The following RNF149 variants were observed in gnomAD, a reference collection of about 807,000 sequenced individuals.
RNF149 encodes E3 ubiquitin-protein ligase RNF149.
Under a neutral mutation model 39.0 loss-of-function variants are expected in RNF149, and 21 were observed. That is an observed-to-expected ratio of 0.54 (90% CI 0.38 to 0.77). The LOEUF (loss-of-function observed/expected upper bound fraction) is 0.77. Among genes scored for constraint, RNF149 ranks in the 30% least tolerant of loss-of-function variants. The probability of loss-of-function intolerance (pLI) is 0.00; values close to 1 mark genes in which losing one functional copy is unlikely to be tolerated. For synonymous variants in RNF149, 209 were observed against 213.6 expected, an observed-to-expected ratio of 0.98 and a Z score of 0.19; for missense variants, 493 against 534.9, an observed-to-expected ratio of 0.92 and a Z score of 0.77.
chr2:101,305,823 A>G (rs76579188), intron 1 of RNF149, among the ~76,000 whole-genome samples: 2,976 of 152,264 alleles, frequency 0.02, 77 homozygotes, highest in Non-Finnish European at 0.023. Context: ...CTCCTTGAGC[A>G]TCAGTTTCCT....
downstream of RNF149, chr2:101,273,285 C>T (rs776245041): frequency 2.0e-6 from 1 of 493,762 alleles, no homozygotes; most frequent in Non-Finnish European, 4.0e-6. Flanking sequence ...CTTCTCCATG[C>T]CACCCGCGGT....
chr2:101,308,418 G>C lies in RNF149; in HGVS notation c.171C>G (p.Ser57Arg). The change falls in exon 1 of 7, where the codon AGC becomes AGG. Residue 57 changes from serine to arginine, a missense_variant. Ser to Arg is a moderately radical substitution (Grantham distance 110, BLOSUM62 -1). Coordinates refer to ENST00000295317, the MANE Select transcript of RNF149 (RefSeq NM_173647.4). ...CGCCGAAGCGGCCACTCTCCGAGAC[G>C]CTCCACACCGTCAGGTTGGTCTGCG... ...VDPQTNLTVW[S>R]VSESGRFGDS... is the part of the protein sequence containing the mutation. The C allele has an allele frequency of 6.2e-7, 1 of 1,611,466 alleles. No individual in the cohort carries two copies. The highest frequency in any genetic ancestry group is 8.5e-7 in the Non-Finnish European group (1 of 1,179,342).
rs139934245 is a variant in RNF149, at chr2:101,293,707, T to C, written c.780+307A>G. ...GGTCTGTGAAGACTGTATGTCTTTA[T>C]AGTTATCTGGTTCTAACCAGTACCA... On this transcript the variant is annotated intron_variant, in intron 3 of 6. Coordinates refer to ENST00000295317, the MANE Select transcript of RNF149 (RefSeq NM_173647.4). 9.8e-5 allele frequency among the ~76,000 whole-genome samples: 15 copies of C among 152,328 alleles called. No homozygotes were observed. The South Asian group carries it at 2.1e-3, about 21-fold the overall frequency.
At chr2:101,301,531 G>T (rs1254289408) in intron 1 of RNF149, among the ~76,000 whole-genome samples, 3 of 151,884 alleles carry the variant, frequency 2.0e-5, no homozygotes, top group Non-Finnish European at 4.4e-5. Context: ...TGTTGCCCAG[G>T]CTAGTCTCAA....
intron 3 of RNF149, among the ~76,000 whole-genome samples, 189 bp downstream of exon 3, chr2:101,293,825 G>A (rs967345668): frequency 4.6e-5 from 7 of 152,260 alleles, no homozygotes; most frequent in East Asian, 3.9e-4. Context: ...CCAGTGAGGG[G>A]CTCAATTTTA....
At chr2:101,296,918 T>C (rs747965207) in intron 1 of RNF149, among the ~76,000 whole-genome samples, 2 of 151,496 alleles carry the variant, frequency 1.3e-5, no homozygotes, top group Non-Finnish European at 2.9e-5. Flanking sequence ...TTCAAAAGAG[T>C]AAATGGTTGG....
At chr2:101,275,442 T>TA, downstream of RNF149, among the ~76,000 whole-genome samples, 1 of 87,694 alleles carries the variant, frequency 1.1e-5, no homozygotes, top group Admixed American at 1.3e-4. Context: ...TTTTTTTTTT[T>TA]TTTTTTTTTT....
intron 1 of RNF149, among the ~76,000 whole-genome samples, chr2:101,295,757 C>G (rs374421897): frequency 1.4e-4 from 21 of 150,382 alleles, no homozygotes; most frequent in African/African-American, 5.1e-4. Flanking sequence ...ACAAGAAACA[C>G]CAACAACATT....
chr2:101,307,729 C>T, intron 1 of RNF149: 1 of 736,314 alleles, frequency 1.4e-6, no homozygotes, highest in Non-Finnish European at 1.7e-6. Context: ...GAAGGGACAA[C>T]CGATCGTGGG....
rs376806617 is a variant in RNF149 at position 101,297,825 on chromosome 2, C to T, written c.461-2644G>A. On this transcript the variant is annotated intron_variant, in intron 1 of 6. Coordinates refer to ENST00000295317, the MANE Select transcript of RNF149 (RefSeq NM_173647.4). ...ATGTTTTCATTACCCTAGAAAGAAA[C>T]CCTGTGTCCACTGGCAGTCACTCTC... Among the ~76,000 whole-genome samples the T allele has an allele frequency of 9.2e-5, 14 of 152,244 alleles. No homozygotes were observed. In the East Asian group the frequency reaches 2.7e-3, roughly 29 times the overall value.
In RNF149 at chr2:101,283,927, C is replaced by T. The variant is rs143940394; in HGVS notation, c.961-1870G>A. ...GTAATGAAGAAAACAACTTAGAATA[C>T]GCTTTAGAGTGTATCTAATGAAGGA... On this transcript the variant is annotated intron_variant, in intron 5 of 6. Transcript: ENST00000295317. Among the ~76,000 whole-genome samples, 946 of 152,168 alleles carry T rather than the reference C, an allele frequency of 6.2e-3. 5 individuals carry two copies. Among genetic ancestry groups the T allele is most frequent in the Middle Eastern group, 0.014 (4 of 294 alleles).
Position 101,276,690 on chromosome 2 carries a change from C to A in RNF149, c.*548G>T. Reference sequence around the variant, plus strand: ...CATAATTCTAAACAAAGAAAAAGTGCTCTCAGGTTTTGAAATCTTCACATA... The same window carrying A: ...CATAATTCTAAACAAAGAAAAAGTGATCTCAGGTTTTGAAATCTTCACATA... On this transcript the variant is annotated 3_prime_UTR_variant, in exon 7 of 7. Coordinates refer to ENST00000295317, the MANE Select transcript of RNF149 (RefSeq NM_173647.4). 1.0e-6 allele frequency: 1 copy of A among 985,440 alleles called. No individual in the cohort carries two copies. The highest frequency in any genetic ancestry group is 5.2e-4 in the Middle Eastern group (1 of 1,914). The allele number at this position is 985,440 out of a possible 1,614,324, so 61.0% of individuals were successfully genotyped here.
In RNF149 at chr2:101,276,274, G is replaced by A; in HGVS notation, c.*964C>T. On this transcript the variant is annotated 3_prime_UTR_variant, in exon 7 of 7. Coordinates refer to ENST00000295317, the MANE Select transcript of RNF149 (RefSeq NM_173647.4). Reference sequence around the variant, plus strand: ...TTTTAACACTTAGCAGTCTCCAAAAGCTTTGCATTAGCCTGCTCCTTTGAC... The same window carrying A: ...TTTTAACACTTAGCAGTCTCCAAAAACTTTGCATTAGCCTGCTCCTTTGAC... The A allele has an allele frequency of 2.0e-6, 2 of 985,442 alleles. No individual in the cohort carries two copies. The highest frequency in any genetic ancestry group is 2.4e-6 in the Non-Finnish European group (2 of 829,914). 61.0% of individuals were successfully genotyped at this position (985,442 alleles called of 1,614,324 possible).
downstream of RNF149, among the ~76,000 whole-genome samples, chr2:101,272,664 CAT>C (rs1243076059): frequency 2.6e-5 from 4 of 152,322 alleles, no homozygotes; most frequent in African/African-American, 9.6e-5. Flanking sequence ...TTGACTAAAA[CAT>C]ATAATTACCT....
Position 101,277,120 on chromosome 2 carries a change from T to C in RNF149, c.*118A>G, listed in dbSNP as rs928081443. On this transcript the variant is annotated 3_prime_UTR_variant, in exon 7 of 7. Transcript: ENST00000295317. ...CTTTGTATATCAAATCAGAATCTAA[T>C]AGGTAAAATAATATACATTATTTTC... is the stretch of plus-strand genomic sequence containing the variant. 6 of 1,460,968 alleles carry C rather than the reference T, an allele frequency of 4.1e-6. No homozygotes were observed. Among genetic ancestry groups the C allele is most frequent in the African/African-American group, 2.8e-5 (2 of 70,346 alleles). 90.5% of individuals were successfully genotyped at this position (1,460,968 alleles called of 1,614,324 possible).
chr2:101,278,503 TTATAAA>T (rs1036731080), intron 6 of RNF149, among the ~76,000 whole-genome samples: 50 of 152,158 alleles, frequency 3.3e-4, no homozygotes, highest in African/African-American at 1.2e-3. Context: ...TCCTCTTGTT[TTATAAA>T]TATAAGTGTA....
chr2:101,290,077 G>A (rs1682950208), intron 3 of RNF149, among the ~76,000 whole-genome samples: 1 of 152,180 alleles, frequency 6.6e-6, no homozygotes, highest in Non-Finnish European at 1.5e-5. Context: ...CTACTCTAGA[G>A]GCTGAGGCAG....
At chr2:101,306,148 A>C (rs1683650910) in intron 1 of RNF149, among the ~76,000 whole-genome samples, 1 of 152,220 alleles carries the variant, frequency 6.6e-6, no homozygotes, top group Non-Finnish European at 1.5e-5. Context: ...TGGTTACAAC[A>C]AGTGCTATTA....
At chr2:101,298,009 T>A (rs988398313) in intron 1 of RNF149, among the ~76,000 whole-genome samples, 3 of 152,128 alleles carry the variant, frequency 2.0e-5, no homozygotes, top group African/African-American at 7.2e-5. Context: ...AGGGGGTGAA[T>A]AAATTATTAC....
Sources: allele counts gnomAD v4.1 joint callset (sites outside exome capture counted in the v4.1 genomes callset), GRCh38; gene constraint gnomAD v4.1.1; transcripts MANE v1.5; gene names NCBI Gene and HGNC (gene_info 2026-07-23, HGNC 2026-07-21).